CELF2: variants seen among roughly 807,000 people sequenced by gnomAD.
CELF2 encodes the protein CUGBP Elav-like family member 2.
CELF2 carries 8 observed loss-of-function variants against 62.6 expected under a neutral mutation model. The ratio of observed to expected loss-of-function variants is 0.13; its 90% CI spans 0.07 to 0.23. The LOEUF (loss-of-function observed/expected upper bound fraction) is 0.23. CELF2 is among the 10% of genes least tolerant of loss of function. The pLI is 1.00. For missense variants in CELF2, 333 were observed against 671.0 expected (o/e 0.50, Z 5.56); for synonymous variants, 258 against 250.0 (o/e 1.03, Z -0.30).
chr10:10,840,794 T>A lies in CELF2; in HGVS notation c.53+41977T>A, dbSNP rs568984129. On this transcript the variant is annotated intron_variant, in intron 1 of 13. Coordinates refer to the CELF2 transcript ENST00000636488. ...ACCTATCAACCTGTATTGTAGGTTTTCAGCCCTGCATGCATTTGGTATTTG... is the reference window on the plus strand; with the variant it reads ...ACCTATCAACCTGTATTGTAGGTTTACAGCCCTGCATGCATTTGGTATTTG... 1.4e-4 allele frequency among the ~76,000 whole-genome samples: 22 copies of A among 152,274 alleles called. No individual in the cohort carries two copies. In the South Asian group the frequency reaches 4.6e-3, roughly 32 times the overall value.
rs1405786172 is a variant in CELF2, at chr10:11,267,408, T to C, written c.618+731T>C. 6.6e-6 allele frequency among the ~76,000 whole-genome samples: 1 copy of C among 152,174 alleles called. No individual in the cohort carries two copies. The highest frequency in any genetic ancestry group is 1.5e-5 in the Non-Finnish European group (1 of 68,024). On this transcript the variant is annotated intron_variant, in intron 6 of 12. Transcript: ENST00000633077. The surrounding 1 kb of genome is among the most constrained non-coding windows in gnomAD (Gnocchi z 4.4). Reference sequence around the variant, plus strand: ...AGTCTGTGATTTGGGTCATGGCCTTTCAGAATTTTGCACAAAAGCATTCCA... The same window carrying C: ...AGTCTGTGATTTGGGTCATGGCCTTCCAGAATTTTGCACAAAAGCATTCCA...
At chr10:11,005,199 C>G, upstream of CELF2, 1 of 1,452,256 alleles carries the variant, frequency 6.9e-7, no homozygotes, top group African/African-American at 1.4e-5. This position sits in a 1 kb window ranked among gnomAD's most constrained non-coding sequence, Gnocchi z 4.3. Flanking sequence ...CAGGAGCCCC[C>G]TTGCTCTACT....
At chr10:10,513,224 A>G in the CELF2 span, among the ~76,000 whole-genome samples, 1 of 152,106 alleles carries the variant, frequency 6.6e-6, no homozygotes, top group East Asian at 1.9e-4. Context: ...ATTGTTATGA[A>G]CATGCTGTGA....
At chr10:11,069,009 G>A (rs2068945885) in intron 1 of CELF2, among the ~76,000 whole-genome samples, 1 of 152,118 alleles carries the variant, frequency 6.6e-6, no homozygotes, top group Admixed American at 6.6e-5. Flanking sequence ...ATCATCTGAG[G>A]AATTTGTTCA....
At chr10:11,248,943 C>A (rs1008789010) in intron 3 of CELF2, among the ~76,000 whole-genome samples, 1 of 152,210 alleles carries the variant, frequency 6.6e-6, no homozygotes, top group Non-Finnish European at 1.5e-5. Flanking sequence ...TAAATATGTT[C>A]TGTGTTACAG....
chr10:10,695,805 C>T, the CELF2 span, among the ~76,000 whole-genome samples: 1 of 151,974 alleles, frequency 6.6e-6, no homozygotes, highest in Non-Finnish European at 1.5e-5. Context: ...GCATCGGCTC[C>T]TGAGGCTTCT....
At chr10:11,167,796 A>C (rs2067672637) in intron 2 of CELF2, among the ~76,000 whole-genome samples, 1 of 152,238 alleles carries the variant, frequency 6.6e-6, no homozygotes, top group Admixed American at 6.5e-5. Context: ...ACCCTGTGTC[A>C]GGAGCTTTAC....
intron 1 of CELF2, among the ~76,000 whole-genome samples, chr10:11,095,751 G>A (rs1031632300): frequency 8.5e-5 from 13 of 152,148 alleles, no homozygotes; most frequent in Admixed American, 1.3e-4. Flanking sequence ...AGAAGCTGGC[G>A]TTGGCATTCA....
rs2054049470 is a variant in CELF2, at chr10:10,997,216, A to T, written c.89+77217A>T. Reference sequence around the variant, plus strand: ...TTGTGTCATGTGGGTGATAATGCAGATTTACGGGATGGCTCTCATAGCTAA... The same window carrying T: ...TTGTGTCATGTGGGTGATAATGCAGTTTTACGGGATGGCTCTCATAGCTAA... On this transcript the variant is annotated intron_variant, in intron 2 of 13. Coordinates refer to the CELF2 transcript ENST00000636488. The surrounding 1 kb of genome is among the most constrained non-coding windows in gnomAD (Gnocchi z 5.3). Among the ~76,000 whole-genome samples, 1 of 152,136 alleles carries T rather than the reference A, an allele frequency of 6.6e-6. No individual in the cohort carries two copies. Among genetic ancestry groups the T allele is most frequent in the South Asian group, 2.1e-4 (1 of 4,826 alleles).
chr10:11,007,161 G>A (rs939173407), intron 1 of CELF2, among the ~76,000 whole-genome samples: 1 of 152,172 alleles, frequency 6.6e-6, no homozygotes, highest in South Asian at 2.1e-4. Context: ...TATAGAGAGA[G>A]TTTAAGTACC....
chr10:10,493,100 T>C, the CELF2 span, among the ~76,000 whole-genome samples: 397 of 152,290 alleles, frequency 2.6e-3, no homozygotes, highest in Non-Finnish European at 4.2e-3. Flanking sequence ...GGTCACCCTC[T>C]AAAGGAAGGA....
chr10:10,605,902 G>T, the CELF2 span, among the ~76,000 whole-genome samples: 1 of 152,178 alleles, frequency 6.6e-6, no homozygotes, highest in Non-Finnish European at 1.5e-5. Flanking sequence ...GAAATTGCTG[G>T]TCTGTAATCA....
the CELF2 span, among the ~76,000 whole-genome samples, chr10:10,589,100 A>T: frequency 8.5e-5 from 13 of 152,212 alleles, no homozygotes; most frequent in African/African-American, 3.1e-4. Context: ...GGAGACATCA[A>T]TTAATAGATG....
intron 1 of CELF2, among the ~76,000 whole-genome samples, chr10:11,128,123 T>C (rs1228958360): frequency 1.1e-4 from 17 of 152,352 alleles, no homozygotes; most frequent in Non-Finnish European, 5.9e-5. Context: ...CCCAGCACCA[T>C]TTATTAAATA....
At chr10:10,967,759 T>C (rs181699573) in intron 2 of CELF2, among the ~76,000 whole-genome samples, 8 of 152,254 alleles carry the variant, frequency 5.3e-5, no homozygotes, top group Middle Eastern at 3.4e-3. Flanking sequence ...ACTGATGGAT[T>C]TCAGAGCCCA....
At position 11,139,749 on chromosome 10, in the gene CELF2, T is replaced by A. The variant is rs896626041; in HGVS notation, c.75-25737T>A. On this transcript the variant is annotated intron_variant, in intron 1 of 12. Coordinates refer to ENST00000633077, the MANE Select transcript of CELF2 (RefSeq NM_001326342.2). The stretch of plus-strand genomic sequence containing the variant: ...CCCTGCTATCTGATGACTTGCCTTA[T>A]GCTTCTTCTAAATTTTAGTTGCACA... Among the ~76,000 whole-genome samples, 4 of 152,306 alleles carry A rather than the reference T, an allele frequency of 2.6e-5. No individual in the cohort carries two copies. The East Asian group carries it at 7.7e-4, about 29-fold the overall frequency.
the CELF2 span, among the ~76,000 whole-genome samples, chr10:10,608,686 T>A: frequency 6.6e-6 from 1 of 152,110 alleles, no homozygotes; most frequent in African/African-American, 2.4e-5. Context: ...ATCTATACAT[T>A]TCCAGCTCTC....
chr10:10,540,167 A>C, the CELF2 span, among the ~76,000 whole-genome samples: 2 of 152,212 alleles, frequency 1.3e-5, no homozygotes, highest in Non-Finnish European at 2.9e-5. Context: ...AAGGGACTTC[A>C]AAGTGAAGTT....
the CELF2 span, among the ~76,000 whole-genome samples, chr10:10,592,188 A>G: frequency 1.3e-5 from 2 of 152,200 alleles, no homozygotes; most frequent in Non-Finnish European, 2.9e-5. Flanking sequence ...GGCAGGAACA[A>G]TCTGTTCATA....
Sources: gnomAD v4.1 joint callset for allele counts (sites outside exome capture counted in the v4.1 genomes callset) on GRCh38, gnomAD v4.1.1 for gene constraint, Gnocchi (gnomAD v3.1) non-coding constraint, MANE v1.5 for transcripts, NCBI Gene and HGNC (gene_info 2026-07-23, HGNC 2026-07-21) for gene names.